The following CSMD3 variants were observed in gnomAD, a reference collection of about 807,000 sequenced individuals.
CSMD3 encodes CUB and sushi domain-containing protein 3.
In CSMD3, 177 loss-of-function variants were observed where a neutral mutation model predicts 435.2. The ratio of observed to expected loss-of-function variants is 0.41; its 90% CI spans 0.36 to 0.46. CSMD3 has a LOEUF of 0.46. Among genes scored for constraint, CSMD3 ranks in the 20% least tolerant of loss-of-function variants. CSMD3 has a pLI of 0.34. For missense variants in CSMD3, 4,265 were observed against 4,504.6 expected (o/e 0.95, Z 1.52); for synonymous variants, 1,656 against 1,520.5 (o/e 1.09, Z -2.07).
At chr8:113,121,045 C>T (rs935169364) in intron 4 of CSMD3, among the ~76,000 whole-genome samples, 3 of 152,028 alleles carry the variant, frequency 2.0e-5, no homozygotes, top group Non-Finnish European at 2.9e-5. Flanking sequence ...CAGTGATGTC[C>T]GTGGGCTCTT....
At chr8:112,416,312 T>C (rs1231544696) in intron 32 of CSMD3, among the ~76,000 whole-genome samples, 1 of 152,174 alleles carries the variant, frequency 6.6e-6, no homozygotes, top group East Asian at 1.9e-4. Context: ...CCTGCCACCC[T>C]GTGAAGAAAG....
At chr8:113,240,119 C>T (rs1225045360) in intron 3 of CSMD3, among the ~76,000 whole-genome samples, 2 of 151,996 alleles carry the variant, frequency 1.3e-5, no homozygotes, top group African/African-American at 4.8e-5. Context: ...TTTTTCTATT[C>T]CTGTGTTAGT....
intron 13 of CSMD3, among the ~76,000 whole-genome samples, chr8:112,789,215 T>A (rs2078627301): frequency 6.6e-6 from 1 of 151,982 alleles, no homozygotes; most frequent in Admixed American, 6.6e-5. Flanking sequence ...TGAGAGAGAG[T>A]GTCTCAGGAT....
chr8:113,083,894 A>T (rs1464679662), intron 5 of CSMD3, among the ~76,000 whole-genome samples: 1 of 152,154 alleles, frequency 6.6e-6, no homozygotes, highest in Admixed American at 6.5e-5. Flanking sequence ...GAATCACTTG[A>T]GGCAAGAAGT....
intron 11 of CSMD3, among the ~76,000 whole-genome samples, chr8:112,843,328 C>T (rs2080232437): frequency 6.6e-6 from 1 of 151,876 alleles, no homozygotes; most frequent in African/African-American, 2.4e-5. Context: ...GCATTAAGCT[C>T]CCTTGTCTTT....
At chr8:113,170,351 A>G (rs2092245877) in intron 4 of CSMD3, among the ~76,000 whole-genome samples, 1 of 152,198 alleles carries the variant, frequency 6.6e-6, no homozygotes, top group African/African-American at 2.4e-5. Context: ...CATGTGCTCT[A>G]TGAAGTATGA....
intron 4 of CSMD3, among the ~76,000 whole-genome samples, chr8:113,126,950 A>C (rs1285020748): frequency 5.3e-5 from 8 of 151,594 alleles, no homozygotes; most frequent in Admixed American, 5.3e-4. Flanking sequence ...TAACTACATA[A>C]CCCTTAACTT....
chr8:112,509,684 T>A (rs1822895460), intron 28 of CSMD3, among the ~76,000 whole-genome samples: 1 of 152,180 alleles, frequency 6.6e-6, no homozygotes, highest in Non-Finnish European at 1.5e-5. Flanking sequence ...AGTCTTATTA[T>A]CATACACTTC....
At chr8:112,469,110 A>G (rs775696748) in intron 32 of CSMD3, among the ~76,000 whole-genome samples, 4 of 149,530 alleles carry the variant, frequency 2.7e-5, no homozygotes, top group Non-Finnish European at 5.9e-5. Flanking sequence ...GGTTTTTGCC[A>G]TTAAAAGTAA....
At chr8:112,989,274 A>G (rs1248659570) in intron 6 of CSMD3, among the ~76,000 whole-genome samples, 1 of 152,102 alleles carries the variant, frequency 6.6e-6, no homozygotes, top group Non-Finnish European at 1.5e-5. Context: ...CTGTCAGATT[A>G]CACAGATTTT....
At chr8:113,413,078 G>C (rs748932016) in intron 1 of CSMD3, among the ~76,000 whole-genome samples, 2 of 151,954 alleles carry the variant, frequency 1.3e-5, no homozygotes, top group Non-Finnish European at 2.9e-5. Context: ...TCTAATGTTC[G>C]TTTAATTACA....
chr8:112,827,960 C>T lies in CSMD3; in HGVS notation c.1859+1726G>A, dbSNP rs541644911. On this transcript the variant is annotated intron_variant, in intron 12 of 70. Transcript: ENST00000297405. ...AAATTTTTACATGTAATTTTCAGTT[C>T]CTTAAAACTCTGTATTTGACAAATA... Among the ~76,000 whole-genome samples the T allele has an allele frequency of 7.2e-5, 11 of 152,170 alleles. No individual in the cohort carries two copies. In the East Asian group the frequency reaches 2.1e-3, roughly 29 times the overall value.
intron 10 of CSMD3, among the ~76,000 whole-genome samples, chr8:112,866,368 A>G (rs2080983720): frequency 6.6e-6 from 1 of 152,160 alleles, no homozygotes; most frequent in Admixed American, 6.6e-5. Context: ...TGATTACATC[A>G]TGCAGCTATC....
intron 3 of CSMD3, among the ~76,000 whole-genome samples, chr8:113,270,150 G>A (rs142738486): frequency 0.03 from 4,504 of 152,158 alleles, 86 homozygotes; most frequent in Admixed American, 0.04. Context: ...GTGGGTGAGG[G>A]ATATGAACAG....
At chr8:112,998,075 T>C (rs1381021720) in intron 6 of CSMD3, among the ~76,000 whole-genome samples, 2 of 151,702 alleles carry the variant, frequency 1.3e-5, no homozygotes, top group Non-Finnish European at 2.9e-5. Context: ...TTCTACAGAA[T>C]GATTTATACA....
intron 38 of CSMD3, among the ~76,000 whole-genome samples, chr8:112,369,721 G>T (rs553945189): frequency 2.0e-5 from 3 of 151,984 alleles, no homozygotes; most frequent in East Asian, 3.9e-4. Context: ...GGGAGTTGGG[G>T]TGCAAGGGCA....
intron 5 of CSMD3, among the ~76,000 whole-genome samples, chr8:113,068,869 G>C (rs1387646452): frequency 2.0e-5 from 3 of 151,500 alleles, no homozygotes; most frequent in African/African-American, 7.3e-5. Context: ...TGATGCTCTT[G>C]CTGGTTTTAT....
intron 1 of CSMD3, among the ~76,000 whole-genome samples, chr8:113,374,838 AAAAAAAAAACC>A (rs78558566): frequency 7.9e-6 from 1 of 125,892 alleles, no homozygotes; most frequent in African/African-American, 3.0e-5. Flanking sequence ...AAAAAAAAAA[AAAAAAAAAACC>A]AATAAAATGA....
At position 112,689,926 on chromosome 8, in the gene CSMD3, C is replaced by T; in HGVS notation, c.2097G>A (p.Glu699=). 1.9e-6 allele frequency: 3 copies of T among 1,613,286 alleles called. No individual in the cohort carries two copies. The highest frequency in any genetic ancestry group is 1.7e-5 in the Admixed American group (1 of 59,956). ...TATTCTCTTGACAAACAATGGATTT[C>T]TCTCCAATTAATTCAAACCCAAACT... ...ECQFGFELIG[E]KSIVCQENNQ... Residue 699 remains glutamate (E), a synonymous_variant, in exon 14 of 71, where the codon GAG becomes GAA. Coordinates refer to ENST00000297405, the MANE Select transcript of CSMD3 (RefSeq NM_198123.2).
Sources: gnomAD v4.1 joint callset for allele counts (sites outside exome capture counted in the v4.1 genomes callset) on GRCh38, gnomAD v4.1.1 for gene constraint, MANE v1.5 for transcripts, NCBI Gene and HGNC (gene_info 2026-07-23, HGNC 2026-07-21) for gene names.